The following DGKD variants were observed in gnomAD, a reference collection of about 807,000 sequenced individuals.
DGKD encodes the protein diacylglycerol kinase delta.
DGKD carries 68 observed loss-of-function variants against 154.4 expected under a neutral mutation model. That is an observed-to-expected ratio of 0.44 (90% confidence interval 0.36 to 0.54). DGKD has a LOEUF of 0.54. Among genes scored for constraint, DGKD ranks in the 20% least tolerant of loss-of-function variants. DGKD has a pLI of 0.00. For missense variants in DGKD, 1,343 were observed against 1,593.6 expected (o/e 0.84, Z 2.68); for synonymous variants, 693 against 638.0 (o/e 1.09, Z -1.30).
chr2:233,460,734 C>T (rs1158876632), intron 24 of DGKD, among the ~76,000 whole-genome samples: 2 of 152,000 alleles, frequency 1.3e-5, no homozygotes, highest in African/African-American at 4.8e-5. Context: ...ACTAAAAATA[C>T]AAAAAAATTT....
intron 2 of DGKD, 25 bp from the exon 3 acceptor site, chr2:233,390,378 A>G (rs760124576): frequency 1.9e-6 from 3 of 1,601,058 alleles, no homozygotes; most frequent in Middle Eastern, 1.7e-4. Flanking sequence ...TATGTGCCTT[A>G]GTCCCTGTGT....
chr2:233,373,828 T>C (rs1206967446), intron 1 of DGKD, among the ~76,000 whole-genome samples: 1 of 67,630 alleles, frequency 1.5e-5, no homozygotes, highest in East Asian at 4.3e-4. Flanking sequence ...TGCAATGTTA[T>C]CAGTTCTTTA....
chr2:233,380,434 G>C (rs1559484568), intron 1 of DGKD, among the ~76,000 whole-genome samples: 3 of 152,178 alleles, frequency 2.0e-5, no homozygotes, highest in Admixed American at 1.3e-4. Flanking sequence ...TGTGGCCTCA[G>C]CATGGCTGCT....
rs552946360 is a variant in DGKD, at chr2:233,427,731, T to C, written c.349-6649T>C. On this transcript the variant is annotated intron_variant, in intron 3 of 29. Transcript: ENST00000264057. ...ATTTAATACATTTGCTTGAAAAATA[T>C]GAGCCATCTTTTAGTCTCCAAAGAC... Among the ~76,000 whole-genome samples, 16 of 152,358 alleles carry C rather than the reference T, an allele frequency of 1.1e-4. No homozygotes were observed. The South Asian group carries it at 3.3e-3, about 32-fold the overall frequency.
intron 10 of DGKD, among the ~76,000 whole-genome samples, chr2:233,443,165 T>G (rs1312882248): frequency 6.6e-6 from 1 of 152,190 alleles, no homozygotes; most frequent in African/African-American, 2.4e-5. Flanking sequence ...AAGCTGTCTT[T>G]CCCCGTGCAC....
chr2:233,429,042 T>C (rs1417565978), intron 3 of DGKD: 1 of 807,486 alleles, frequency 1.2e-6, no homozygotes, highest in Admixed American at 6.2e-5. Context: ...CTAATGCTTT[T>C]GTCTATAATT....
In DGKD at chr2:233,441,832, G is replaced by A; in HGVS notation, c.1086-55G>A. 1 of 1,545,108 alleles carries A rather than the reference G, an allele frequency of 6.5e-7. No individual in the cohort carries two copies. Among genetic ancestry groups the A allele is most frequent in the African/African-American group, 1.4e-5 (1 of 73,762 alleles). On this transcript the variant is annotated intron_variant, in intron 9 of 29. Transcript: ENST00000264057. The surrounding 1 kb of genome is among the most constrained non-coding windows in gnomAD (Gnocchi z 5.6). ...CCCTCAGCCCCGTACTGACAAGCCT[G>A]TCATTTGTCCTGTGGAATGGATGTC...
chr2:233,430,307 G>A (rs180896683), intron 3 of DGKD, among the ~76,000 whole-genome samples: 6 of 152,296 alleles, frequency 3.9e-5, no homozygotes, highest in African/African-American at 9.6e-5. Context: ...ATGAGAAATC[G>A]CAGAAGAATT....
rs1005432011 is a variant in DGKD at position 233,470,327 on chromosome 2, C to T, written c.*867C>T. On this transcript the variant is annotated 3_prime_UTR_variant, in exon 30 of 30. Transcript: ENST00000264057. ...TTTCTGTGTGGGAAATGCTTCCTGG[C>T]TCTGGGAAACTTTTTCTGCCCATTC... The T allele has an allele frequency of 6.6e-6, 1 of 152,516 alleles. No homozygotes were observed. Among genetic ancestry groups the T allele is most frequent in the African/African-American group, 2.4e-5 (1 of 41,460 alleles). 9.4% of individuals were successfully genotyped at this position (152,516 alleles called of 1,614,324 possible). A position where few individuals can be genotyped will look rare whatever the true frequency, so the allele number is the denominator to read the frequency against.
Position 233,459,993 on chromosome 2 carries a change from ATTTTT to A in DGKD, c.2829+112_2829+116del. The A allele has an allele frequency of 8.1e-7, 1 of 1,240,910 alleles. No homozygotes were observed. 76.9% of individuals were successfully genotyped at this position (1,240,910 alleles called of 1,614,324 possible). A position where few individuals can be genotyped will look rare whatever the true frequency, so the allele number is the denominator to read the frequency against. On this transcript the variant is annotated intron_variant, in intron 23 of 29. Coordinates refer to ENST00000264057, the MANE Select transcript of DGKD (RefSeq NM_152879.3). This position sits in a 1 kb window ranked among gnomAD's most constrained non-coding sequence, Gnocchi z 5.7. Reference sequence around the variant, plus strand: ...GGAGCTTTTTGTGTTTTGTTCTAGGATTTTTTTTTTTTTTAAGACACAATGATTAA... The same window carrying A: ...GGAGCTTTTTGTGTTTTGTTCTAGGATTTTTTTTTAAGACACAATGATTAA...
chr2:233,388,695 C>A, intron 2 of DGKD: 1 of 170,174 alleles, frequency 5.9e-6, no homozygotes. Flanking sequence ...TGAATTTCAT[C>A]TTCTTATTAT....
intron 1 of DGKD, among the ~76,000 whole-genome samples, chr2:233,378,351 G>T (rs1702698277): frequency 6.6e-6 from 1 of 151,338 alleles, no homozygotes; most frequent in African/African-American, 2.4e-5. Flanking sequence ...GGCAGAGGTT[G>T]CAGTGAGCCG....
chr2:233,437,322 T>C (rs2062730730), intron 7 of DGKD, 55 bp from the exon 8 acceptor site: 1 of 1,518,948 alleles, frequency 6.6e-7, no homozygotes, highest in African/African-American at 1.4e-5. Flanking sequence ...GGAGGATTTC[T>C]GGTGTGTGTG....
At chr2:233,359,200 G>A (rs1050784579) in intron 1 of DGKD, among the ~76,000 whole-genome samples, 4 of 152,190 alleles carry the variant, frequency 2.6e-5, no homozygotes, top group African/African-American at 2.4e-5. Context: ...TGAAGCATGC[G>A]ATTGTGGACA....
chr2:233,411,924 C>T (rs1044663048), intron 3 of DGKD, among the ~76,000 whole-genome samples: 3 of 152,178 alleles, frequency 2.0e-5, no homozygotes, highest in Admixed American at 1.3e-4. Flanking sequence ...AGTCAATTAA[C>T]CTTTTATTTT....
Position 233,455,311 on chromosome 2 carries a change from T to C in DGKD, c.2375+438T>C, listed in dbSNP as rs184728958. 5.9e-5 allele frequency among the ~76,000 whole-genome samples: 9 copies of C among 152,316 alleles called. No individual in the cohort carries two copies. The East Asian group carries it at 1.7e-3, about 29-fold the overall frequency. On this transcript the variant is annotated intron_variant, in intron 19 of 29. Coordinates refer to ENST00000264057, the MANE Select transcript of DGKD (RefSeq NM_152879.3). ...GCCCACAAGGCCCTTGAGTCCAACC[T>C]CTGCAGGAAGACGGGAGCGTGGGAG...
chr2:233,360,926 G>GCGGCCTTCTGATCC (rs1052367524), intron 1 of DGKD, among the ~76,000 whole-genome samples: 2 of 151,906 alleles, frequency 1.3e-5, no homozygotes, highest in African/African-American at 4.8e-5. Context: ...TAGAGGGAGT[G>GCGGCCTTCTGATCC]CGGCCTTCTG....
At chr2:233,407,263 G>A (rs1443311914) in intron 3 of DGKD, among the ~76,000 whole-genome samples, 1 of 152,140 alleles carries the variant, frequency 6.6e-6, no homozygotes, top group Non-Finnish European at 1.5e-5. Context: ...TTCAAACGAG[G>A]CCAACTTTAC....
At chr2:233,360,160 CTG>C (rs1482072903) in intron 1 of DGKD, among the ~76,000 whole-genome samples, 2 of 152,214 alleles carry the variant, frequency 1.3e-5, no homozygotes, top group African/African-American at 4.8e-5. Flanking sequence ...ACCTTGGAAT[CTG>C]TAGTGGCGTC....
Sources: gnomAD v4.1 joint callset for allele counts (sites outside exome capture counted in the v4.1 genomes callset) on GRCh38, gnomAD v4.1.1 for gene constraint, Gnocchi (gnomAD v3.1) non-coding constraint, MANE v1.5 for transcripts, NCBI Gene and HGNC (gene_info 2026-07-23, HGNC 2026-07-21) for gene names.